Variants in MACROD2 observed in about 807,000 individuals in gnomAD.
The protein encoded by MACROD2 is ADP-ribose glycohydrolase MACROD2.
MACROD2 carries 36 observed loss-of-function variants against 70.4 expected under a neutral mutation model. The ratio of observed to expected loss-of-function variants is 0.51; its 90% CI spans 0.39 to 0.68. The LOEUF (loss-of-function observed/expected upper bound fraction) is 0.68, where lower values mean the gene tolerates loss of function less well. Among genes scored for constraint, MACROD2 ranks in the 30% least tolerant of loss-of-function variants. The pLI, the probability that MACROD2 is intolerant of heterozygous loss-of-function variation, is 0.00. For synonymous variants in MACROD2, 172 were observed against 178.8 expected (o/e 0.96, Z 0.30); for missense variants, 496 against 538.4 (o/e 0.92, Z 0.78).
intron 5 of MACROD2, among the ~76,000 whole-genome samples, chr20:15,035,870 G>A (rs2075308882): frequency 6.6e-6 from 1 of 152,086 alleles, no homozygotes; most frequent in Non-Finnish European, 1.5e-5. Context: ...GGCACTGCCA[G>A]CCCTGCTCCC....
In MACROD2 at chr20:14,326,877, C is replaced by T; in HGVS notation, c.272-166602C>T. ...TGTCACCTAAACCATGATTGTTCAA[C>T]AGGTTTCCATCTAGAACCAGGCGTT... On this transcript the variant is annotated intron_variant, in intron 3 of 17. Coordinates refer to ENST00000684519, the MANE Select transcript of MACROD2 (RefSeq NM_001351661.2). This position sits in a 1 kb window ranked among gnomAD's most constrained non-coding sequence, Gnocchi z 5.5. 6.2e-7 allele frequency: 1 copy of T among 1,613,754 alleles called. No homozygotes were observed. Among genetic ancestry groups the T allele is most frequent in the Non-Finnish European group, 8.5e-7 (1 of 1,179,790 alleles).
intron 8 of MACROD2, among the ~76,000 whole-genome samples, chr20:15,692,547 T>C (rs1276655050): frequency 1.3e-5 from 2 of 152,056 alleles, no homozygotes; most frequent in Non-Finnish European, 2.9e-5. Flanking sequence ...AGGTCCCAAA[T>C]GCAGTTATAT....
chr20:14,784,373 T>G (rs1304318614), intron 5 of MACROD2, among the ~76,000 whole-genome samples: 2 of 152,112 alleles, frequency 1.3e-5, no homozygotes, highest in Non-Finnish European at 2.9e-5. Flanking sequence ...TCTATTGCAG[T>G]CCTTCTCCAA....
chr20:15,306,888 C>T (rs2077702946), intron 6 of MACROD2, among the ~76,000 whole-genome samples: 1 of 152,160 alleles, frequency 6.6e-6, no homozygotes, highest in Non-Finnish European at 1.5e-5. Flanking sequence ...ACTCATGGCT[C>T]TGCAGAATGT....
intron 3 of MACROD2, among the ~76,000 whole-genome samples, chr20:14,268,015 C>T (rs2082157996): frequency 6.6e-6 from 1 of 152,034 alleles, no homozygotes; most frequent in African/African-American, 2.4e-5. Flanking sequence ...ACATAATTAA[C>T]ATTTCTTATT....
At chr20:15,706,164 T>A (rs933185687) in intron 8 of MACROD2, among the ~76,000 whole-genome samples, 4 of 152,196 alleles carry the variant, frequency 2.6e-5, no homozygotes, top group African/African-American at 9.7e-5. Flanking sequence ...TTACTCAGCT[T>A]TAGTAACTGC....
intron 4 of MACROD2, among the ~76,000 whole-genome samples, chr20:14,679,320 A>G (rs2123581465): frequency 6.6e-6 from 1 of 152,314 alleles, no homozygotes; most frequent in South Asian, 2.1e-4. Flanking sequence ...AGGAGAGGGA[A>G]TAGAAAGCCT....
chr20:14,871,434 G>C (rs1359131408), intron 5 of MACROD2, among the ~76,000 whole-genome samples: 1 of 152,092 alleles, frequency 6.6e-6, no homozygotes, highest in Admixed American at 6.6e-5. Flanking sequence ...CTTCATAATT[G>C]AAGGAGAAAT....
intron 5 of MACROD2, among the ~76,000 whole-genome samples, chr20:14,991,730 G>T (rs1218685919): frequency 6.6e-6 from 1 of 152,220 alleles, no homozygotes; most frequent in East Asian, 1.9e-4. Context: ...GGGTAAGGGT[G>T]AAGCAAGGTG....
At chr20:15,983,292 G>A (rs1348878294) in intron 13 of MACROD2, among the ~76,000 whole-genome samples, 5 of 152,144 alleles carry the variant, frequency 3.3e-5, no homozygotes, top group Admixed American at 6.5e-5. Flanking sequence ...CTGGCTTTAC[G>A]ATGTCTTATT....
chr20:14,726,217 C>A (rs560497345), intron 5 of MACROD2, among the ~76,000 whole-genome samples: 1 of 152,038 alleles, frequency 6.6e-6, no homozygotes, highest in South Asian at 2.1e-4. Flanking sequence ...CCTTGAGTGC[C>A]AAAGACATCA....
chr20:14,110,455 A>G lies in MACROD2; in HGVS notation c.271+24727A>G, dbSNP rs537437888. Among the ~76,000 whole-genome samples, 68 of 152,164 alleles carry G rather than the reference A, an allele frequency of 4.5e-4. 1 individual carries two copies. The South Asian group carries it at 9.3e-3, about 21-fold the overall frequency. On this transcript the variant is annotated intron_variant, in intron 3 of 17. Transcript: ENST00000684519. The stretch of plus-strand genomic sequence containing the variant: ...GAAGTTAAATTATCTTTCTTTTCAG[A>G]TGGTATGATCTTATATTTGGAAAAA...
At chr20:14,247,879 C>G (rs1227432121) in intron 3 of MACROD2, among the ~76,000 whole-genome samples, 2 of 152,156 alleles carry the variant, frequency 1.3e-5, no homozygotes, top group Admixed American at 6.5e-5. Flanking sequence ...CTATAGGACC[C>G]ATTTCCACTG....
At chr20:15,858,707 C>G (rs369169380) in intron 8 of MACROD2, among the ~76,000 whole-genome samples, 165 of 152,326 alleles carry the variant, frequency 1.1e-3, no homozygotes, top group African/African-American at 3.8e-3. Flanking sequence ...AGTCTACCTA[C>G]TTTCAGTGAG....
At chr20:16,020,826 T>C (rs939365410) in intron 15 of MACROD2, among the ~76,000 whole-genome samples, 2 of 152,092 alleles carry the variant, frequency 1.3e-5, no homozygotes, top group Non-Finnish European at 2.9e-5. Context: ...CGCTCGGCTC[T>C]GGTCACAGTC....
Position 14,181,606 on chromosome 20 carries a change from G to T in MACROD2, c.271+95878G>T, listed in dbSNP as rs541713871. On this transcript the variant is annotated intron_variant, in intron 3 of 17. Transcript: ENST00000684519. ...CGGATCTTTTTTTTTTTCCCCAGAA[G>T]GAAATCCTCCACCCCTCAACTTTGT... Among the ~76,000 whole-genome samples the T allele has an allele frequency of 3.3e-5, 5 of 151,452 alleles. No homozygotes were observed. In the South Asian group the frequency reaches 1.0e-3, roughly 32 times the overall value.
At chr20:15,561,511 ATG>A (rs2048243575) in intron 8 of MACROD2, among the ~76,000 whole-genome samples, 1 of 152,180 alleles carries the variant, frequency 6.6e-6, no homozygotes, top group African/African-American at 2.4e-5. Context: ...CTAGGCTAAA[ATG>A]TAATACTGTT....
At chr20:15,686,384 A>G (rs1003238316) in intron 8 of MACROD2, among the ~76,000 whole-genome samples, 1 of 152,216 alleles carries the variant, frequency 6.6e-6, no homozygotes, top group African/African-American at 2.4e-5. Context: ...AAATCACTTT[A>G]GAAAACAGGG....
intron 4 of MACROD2, among the ~76,000 whole-genome samples, chr20:14,661,152 A>C (rs941926468): frequency 6.6e-6 from 1 of 152,030 alleles, no homozygotes; most frequent in African/African-American, 2.4e-5. Flanking sequence ...GGCTGAACTA[A>C]TTTGCACTCC....
Sources: gnomAD v4.1 joint callset for allele counts (sites outside exome capture counted in the v4.1 genomes callset) on GRCh38, gnomAD v4.1.1 for gene constraint, Gnocchi (gnomAD v3.1) non-coding constraint, MANE v1.5 for transcripts, NCBI Gene and HGNC (gene_info 2026-07-23, HGNC 2026-07-21) for gene names.